PCDHGB2: variants seen among roughly 807,000 people sequenced by gnomAD.
The protein encoded by PCDHGB2 is protocadherin gamma subfamily B, 2.
In PCDHGB2, 55 loss-of-function variants were observed where a neutral mutation model predicts 59.3. That is an observed-to-expected ratio of 0.93 (90% CI 0.75 to 1.16). The LOEUF is 1.16. Among genes scored for constraint, PCDHGB2 ranks in the 50% most tolerant of loss-of-function variants. The pLI is 0.00. For missense variants in PCDHGB2, 1,228 were observed against 1,198.5 expected (o/e 1.02, Z -0.36); for synonymous variants, 516 against 512.0 (o/e 1.01, Z -0.11).
chr5:141,482,529 G>GAAAAAAAA (rs1256461887), intron 1 of PCDHGB2, among the ~76,000 whole-genome samples: 1 of 56,042 alleles, frequency 1.8e-5, no homozygotes, highest in Admixed American at 1.9e-4. Context: ...AGACAGACAT[G>GAAAAAAAA]CAAAAAAAAA....
chr5:141,492,740 C>T (rs1364102818), intron 1 of PCDHGB2, among the ~76,000 whole-genome samples: 1 of 152,238 alleles, frequency 6.6e-6, no homozygotes, highest in African/African-American at 2.4e-5. Context: ...GCCCAGTGGC[C>T]GAGGCGCGGC....
Position 141,376,352 on chromosome 5 carries a change from G to A in PCDHGB2, c.2421+13796G>A, listed in dbSNP as rs919062386. On this transcript the variant is annotated intron_variant, in intron 1 of 3. Coordinates refer to ENST00000522605, the MANE Select transcript of PCDHGB2 (RefSeq NM_018923.3). Reference sequence around the variant, plus strand: ...TTTCCTGCAGACCTATTCCCACGAGGTCTCACTCACTGCAGACTCGCGTAA... The same window carrying A: ...TTTCCTGCAGACCTATTCCCACGAGATCTCACTCACTGCAGACTCGCGTAA... 3.9e-5 allele frequency: 63 copies of A among 1,614,164 alleles called. No homozygotes were observed. In the East Asian group the frequency reaches 1.4e-3, roughly 35 times the overall value.
rs932003988 is a variant in PCDHGB2 at position 141,363,453 on chromosome 5, G to A, written c.2421+897G>A. Reference sequence around the variant, plus strand: ...ATAGAAAGGTCACTCAGTACTTCTCGACAAGTATCTGCTCATGCTTTCCTG... The same window carrying A: ...ATAGAAAGGTCACTCAGTACTTCTCAACAAGTATCTGCTCATGCTTTCCTG... On this transcript the variant is annotated intron_variant, in intron 1 of 3. Transcript: ENST00000522605. 5.9e-5 allele frequency among the ~76,000 whole-genome samples: 9 copies of A among 152,136 alleles called. No homozygotes were observed. In the South Asian group the frequency reaches 1.2e-3, roughly 21 times the overall value.
At chr5:141,419,053 T>C in intron 1 of PCDHGB2, 1 of 1,613,954 alleles carries the variant, frequency 6.2e-7, no homozygotes, top group South Asian at 1.1e-5. Context: ...ATTCTTCTTC[T>C]AATAATTACT....
At chr5:141,427,115 C>G (rs1276437779) in intron 1 of PCDHGB2, 5 of 457,520 alleles carry the variant, frequency 1.1e-5, no homozygotes, top group African/African-American at 1.0e-4. Flanking sequence ...AGATCACCTA[C>G]TCTTTCAAAT....
In PCDHGB2 at chr5:141,384,445, G is replaced by A. The variant is rs182497799; in HGVS notation, c.2421+21889G>A. 5.0e-6 allele frequency: 8 copies of A among 1,613,990 alleles called. 1 individual carries two copies. The African/African-American group carries it at 5.3e-5, about 11-fold the overall frequency. ...AAACTCTGACACTGGAGTCCTGTAC[G>A]CGCTGCAATCCTTTGATTATGAGCA... On this transcript the variant is annotated intron_variant, in intron 1 of 3. Transcript: ENST00000522605.
At chr5:141,408,248 G>A in intron 1 of PCDHGB2, 1 of 1,593,412 alleles carries the variant, frequency 6.3e-7, no homozygotes, top group East Asian at 2.3e-5. Context: ...CCCGCGGCAG[G>A]TGCTATTTCC....
chr5:141,430,826 CTG>C (rs2097313923), intron 1 of PCDHGB2: 1 of 1,550,416 alleles, frequency 6.4e-7, no homozygotes, highest in Non-Finnish European at 8.7e-7. Context: ...CCTGGGGACT[CTG>C]TGGGAGACCG....
At chr5:141,372,197 C>A in intron 1 of PCDHGB2, 1 of 1,613,590 alleles carries the variant, frequency 6.2e-7, no homozygotes, top group Non-Finnish European at 8.5e-7. Context: ...CGGGATACAA[C>A]GCCTGGCTGT....
At chr5:141,506,444 CAAA>C (rs1219684339) in intron 3 of PCDHGB2, among the ~76,000 whole-genome samples, 12 of 95,004 alleles carry the variant, frequency 1.3e-4, no homozygotes, top group Admixed American at 3.3e-4. Context: ...CGCTCTGTCT[CAAA>C]AAAAAAAAAA....
At position 141,422,383 on chromosome 5, in the gene PCDHGB2, T is replaced by C. The variant is rs201301291; in HGVS notation, c.2421+59827T>C. On this transcript the variant is annotated intron_variant, in intron 1 of 3. Transcript: ENST00000522605. ...TGGAGAAAATGGTCAAGTCTCCTGT[T>C]TTATTCCTAACCACCTGCCTTTTAA... 554 of 1,586,008 alleles carry C rather than the reference T, an allele frequency of 3.5e-4. 2 individuals are homozygous for C. The African/African-American group carries it at 6.9e-3, about 20-fold the overall frequency.
chr5:141,365,644 C>A (rs762390093), intron 1 of PCDHGB2: 3 of 1,613,554 alleles, frequency 1.9e-6, no homozygotes, highest in Non-Finnish European at 2.5e-6. Context: ...AAAGCCACAT[C>A]CCCTTGAAAG....
At chr5:141,500,672 C>A (rs2099801937) in intron 2 of PCDHGB2, among the ~76,000 whole-genome samples, 1 of 152,156 alleles carries the variant, frequency 6.6e-6, no homozygotes, top group South Asian at 2.1e-4. Context: ...TACTGTCCAA[C>A]AGAATTATAG....
At chr5:141,428,064 G>C in intron 1 of PCDHGB2, 1 of 1,609,060 alleles carries the variant, frequency 6.2e-7, no homozygotes, top group East Asian at 2.2e-5. Flanking sequence ...GGCGGTGGAC[G>C]CAGATTCGGG....
chr5:141,403,592 G>A (rs779516418), intron 1 of PCDHGB2: 1 of 1,613,850 alleles, frequency 6.2e-7, no homozygotes, highest in Non-Finnish European at 8.5e-7. Flanking sequence ...GGTCCTCACG[G>A]CCTCGGATGG....
At chr5:141,439,472 A>G (rs1185561573) in intron 1 of PCDHGB2, among the ~76,000 whole-genome samples, 3 of 152,228 alleles carry the variant, frequency 2.0e-5, no homozygotes, top group Non-Finnish European at 4.4e-5. Flanking sequence ...GCTGCCTTTC[A>G]GCTTGCAAAT....
chr5:141,486,391 C>T lies in PCDHGB2; in HGVS notation c.2422-8416C>T. The T allele has an allele frequency of 6.2e-7, 1 of 1,614,112 alleles. No individual in the cohort carries two copies. The highest frequency in any genetic ancestry group is 8.5e-7 in the Non-Finnish European group (1 of 1,179,984). Reference sequence around the variant, plus strand: ...AGTCTGCCTTCAGGAACCAGTTCTCCCTGGTGACTGCTGGACCCTTGGATC... The same window carrying T: ...AGTCTGCCTTCAGGAACCAGTTCTCTCTGGTGACTGCTGGACCCTTGGATC... On this transcript the variant is annotated intron_variant, in intron 1 of 3. Transcript: ENST00000522605. The surrounding 1 kb of genome is among the most constrained non-coding windows in gnomAD (Gnocchi z 5.0).
chr5:141,383,695 G>T (rs373055594), intron 1 of PCDHGB2: 1 of 1,613,974 alleles, frequency 6.2e-7, no homozygotes, highest in Non-Finnish European at 8.5e-7. Context: ...CACGGTACAT[G>T]CTATCGACCT....
chr5:141,421,055 C>A, intron 1 of PCDHGB2: 2 of 577,118 alleles, frequency 3.5e-6, no homozygotes, highest in South Asian at 2.4e-5. Flanking sequence ...GCCTCTACCA[C>A]ACAAAGCGGA....
Sources: allele counts gnomAD v4.1 joint callset (sites outside exome capture counted in the v4.1 genomes callset), GRCh38; gene constraint gnomAD v4.1.1; non-coding constraint Gnocchi (gnomAD v3.1); transcripts MANE v1.5; gene names NCBI Gene and HGNC (gene_info 2026-07-23, HGNC 2026-07-21).